Variants in MTMR7 observed in about 807,000 individuals in gnomAD.
The protein encoded by MTMR7 is phosphatidylinositol-3-phosphate phosphatase MTMR7.
MTMR7 carries 76 observed loss-of-function variants against 81.2 expected under a neutral mutation model. The ratio of observed to expected loss-of-function variants is 0.94; its 90% CI spans 0.78 to 1.13. The LOEUF (loss-of-function observed/expected upper bound fraction) is 1.13, where lower values mean the gene tolerates loss of function less well. Ranked by LOEUF, MTMR7 falls within the 50% of genes most tolerant of loss-of-function variation. The probability of loss-of-function intolerance (pLI) is 0.00; values close to 1 mark genes in which losing one functional copy is unlikely to be tolerated. For missense variants in MTMR7, 1,044 were observed against 820.0 expected (o/e 1.27, Z -3.34); for synonymous variants, 372 against 289.8 (o/e 1.28, Z -2.88).
intron 1 of MTMR7, among the ~76,000 whole-genome samples, chr8:17,389,390 C>T (rs1821038629): frequency 6.6e-6 from 1 of 152,188 alleles, no homozygotes; most frequent in South Asian, 2.1e-4. Context: ...GCTAGGCAAA[C>T]ACTCACACTA....
In MTMR7 at chr8:17,413,254, G is replaced by C. The variant is rs2073694; in HGVS notation, c.24+15C>G. The C allele has an allele frequency of 0.5, 767,247 of 1,546,944 alleles. 197,463 individuals carry two copies. Among genetic ancestry groups the C allele is most frequent in the Admixed American group, 0.64 (32,378 of 50,814 alleles). On this transcript the variant is annotated intron_variant, in intron 1 of 13. Transcript: ENST00000180173. Reference sequence around the variant, plus strand: ...CTCCTCCCGTCCCTCCTCCGCCCGCGCTGGTGTCACCAACCTTGGGCGTAC... The same window carrying C: ...CTCCTCCCGTCCCTCCTCCGCCCGCCCTGGTGTCACCAACCTTGGGCGTAC...
Position 17,371,131 on chromosome 8 carries a change from A to C in MTMR7, c.216T>G (p.Ile72Met), listed in dbSNP as rs753551062. 39 of 1,614,226 alleles carry C rather than the reference A, an allele frequency of 2.4e-5. No individual in the cohort carries two copies. Among genetic ancestry groups the C allele is most frequent in the Non-Finnish European group, 3.0e-5 (35 of 1,180,040 alleles). ...GTATTATCTGAAAGTTCTTGCAGCG[A>C]ATCAGCAGAGGGCATCCGGTAGCGG... ...ATTATGCPLL[I>M]RCKNFQIIQL... Residue 72 changes from isoleucine (I) to methionine (M), a missense_variant, in exon 3 of 14, where the codon ATT becomes ATG. Coordinates refer to ENST00000180173, the MANE Select transcript of MTMR7 (RefSeq NM_004686.5).
chr8:17,350,041 AAATGTTAGTGGTAGCAAC>A (rs1211515259), intron 4 of MTMR7, among the ~76,000 whole-genome samples: 2 of 152,224 alleles, frequency 1.3e-5, no homozygotes, highest in Non-Finnish European at 2.9e-5. Flanking sequence ...AATCCAAAAC[AAATGTTAGTGGTAGCAAC>A]AGTGATAGCA....
intron 1 of MTMR7, among the ~76,000 whole-genome samples, chr8:17,382,758 G>C (rs117615540): frequency 6.6e-6 from 1 of 152,146 alleles, no homozygotes; most frequent in Admixed American, 6.5e-5. Context: ...AATTCAGACA[G>C]AGTCCTTTTT....
chr8:17,308,846 G>C (rs1302531094), intron 10 of MTMR7, among the ~76,000 whole-genome samples: 1 of 152,200 alleles, frequency 6.6e-6, no homozygotes, highest in Non-Finnish European at 1.5e-5. Flanking sequence ...CCACTCCAGA[G>C]ACATCTGGGA....
At chr8:17,309,518 T>A (rs1331810744) in intron 9 of MTMR7, among the ~76,000 whole-genome samples, 192 bp from the exon 10 acceptor site, 3 of 152,176 alleles carry the variant, frequency 2.0e-5, no homozygotes, top group Non-Finnish European at 4.4e-5. Flanking sequence ...AGGTCATCCA[T>A]GGGAACAGTG....
intron 4 of MTMR7, among the ~76,000 whole-genome samples, chr8:17,358,651 T>G (rs904526748): frequency 6.6e-6 from 1 of 152,168 alleles, no homozygotes; most frequent in Admixed American, 6.5e-5. Flanking sequence ...AAATATGAAT[T>G]CTATAGGCCA....
At position 17,311,595 on chromosome 8, in the gene MTMR7, A is replaced by C. The variant is rs1366836863; in HGVS notation, c.1017T>G (p.Ser339=). Residue 339 remains serine (S), a synonymous_variant, in exon 9 of 14, where the codon TCT becomes TCG. Transcript: ENST00000180173. Reference sequence around the variant, plus strand: ...CCTGAGCGGTCCTGTCCCAGCCATCAGAACAGTGAACAAGCACACTTGCCC... The same window carrying C: ...CCTGAGCGGTCCTGTCCCAGCCATCCGAACAGTGAACAAGCACACTTGCCC... The part of the protein sequence containing the change: ...EEGASVLVHC[S]DGWDRTAQVC... The C allele has an allele frequency of 1.2e-6, 2 of 1,614,032 alleles. No homozygotes were observed. The highest frequency in any genetic ancestry group is 4.5e-5 in the East Asian group (2 of 44,898).
At chr8:17,400,713 G>C (rs1468883132) in intron 1 of MTMR7, among the ~76,000 whole-genome samples, 3 of 152,198 alleles carry the variant, frequency 2.0e-5, no homozygotes, top group African/African-American at 4.8e-5. Context: ...CAGCTGTTGA[G>C]GAGGTAGTCA....
At chr8:17,407,215 A>C (rs1821613052) in intron 1 of MTMR7, among the ~76,000 whole-genome samples, 1 of 152,190 alleles carries the variant, frequency 6.6e-6, no homozygotes, top group South Asian at 2.1e-4. Flanking sequence ...TAATTCAAAA[A>C]GTAACAAAAT....
chr8:17,405,351 G>C (rs1451096974), intron 1 of MTMR7, among the ~76,000 whole-genome samples: 1 of 152,158 alleles, frequency 6.6e-6, no homozygotes, highest in Non-Finnish European at 1.5e-5. Flanking sequence ...CTGTACACCA[G>C]GAGGGAGAAG....
At chr8:17,321,337 A>T (rs1204966478) in intron 7 of MTMR7, among the ~76,000 whole-genome samples, 1 of 152,212 alleles carries the variant, frequency 6.6e-6, no homozygotes, top group Non-Finnish European at 1.5e-5. Context: ...AGCTCTCAGC[A>T]ATGGGACAGG....
At chr8:17,327,178 A>C (rs1378193863) in intron 7 of MTMR7, among the ~76,000 whole-genome samples, 1 of 152,222 alleles carries the variant, frequency 6.6e-6, no homozygotes, top group Non-Finnish European at 1.5e-5. Flanking sequence ...AGGTGAAGTA[A>C]AATTAATCAG....
At chr8:17,402,566 T>C (rs1158286333) in intron 1 of MTMR7, among the ~76,000 whole-genome samples, 2 of 152,202 alleles carry the variant, frequency 1.3e-5, no homozygotes. Flanking sequence ...TTCAGTCCCA[T>C]CCATGTTGCT....
At chr8:17,389,197 CT>C (rs1821033270) in intron 1 of MTMR7, among the ~76,000 whole-genome samples, 3 of 152,216 alleles carry the variant, frequency 2.0e-5, no homozygotes, top group Admixed American at 2.0e-4. Flanking sequence ...CCCCAGTCCA[CT>C]GGGATCATTC....
At chr8:17,332,400 G>A (rs529185691) in intron 6 of MTMR7, among the ~76,000 whole-genome samples, 1 of 152,268 alleles carries the variant, frequency 6.6e-6, no homozygotes, top group East Asian at 1.9e-4. Context: ...GAAAAAAGCT[G>A]AAAACCCATG....
chr8:17,332,246 C>T (rs921266282), intron 6 of MTMR7, among the ~76,000 whole-genome samples: 1 of 152,158 alleles, frequency 6.6e-6, no homozygotes, highest in African/African-American at 2.4e-5. Context: ...CTTTTAAAAG[C>T]ACAGTGCACA....
chr8:17,407,280 A>G (rs1244721369), intron 1 of MTMR7, among the ~76,000 whole-genome samples: 1 of 152,136 alleles, frequency 6.6e-6, no homozygotes. Context: ...AAAAAAATAC[A>G]CTAAAAGAAT....
rs1249410926 is a variant in MTMR7 at position 17,297,566 on chromosome 8, C to T, written c.*2296G>A. ...GGTCAAAATTCTTACCTATTTATTT[C>T]ATATCAACTTTAAAAAATAAATTAC... is the stretch of plus-strand genomic sequence containing the variant. On this transcript the variant is annotated 3_prime_UTR_variant, in exon 14 of 14. Transcript: ENST00000180173. 6.7e-6 allele frequency: 1 copy of T among 150,068 alleles called. No homozygotes were observed. The highest frequency in any genetic ancestry group is 1.5e-5 in the Non-Finnish European group (1 of 67,534). The allele number at this position is 150,068 out of a possible 1,614,324, so 9.3% of individuals were successfully genotyped here. A position where few individuals can be genotyped will look rare whatever the true frequency, so the allele number is the denominator to read the frequency against.
Sources: gnomAD v4.1 joint callset for allele counts (sites outside exome capture counted in the v4.1 genomes callset) on GRCh38, gnomAD v4.1.1 for gene constraint, MANE v1.5 for transcripts, NCBI Gene and HGNC (gene_info 2026-07-23, HGNC 2026-07-21) for gene names.